DOCK1: variants seen among roughly 807,000 people sequenced by gnomAD.
DOCK1 encodes the protein dedicator of cytokinesis 1.
In DOCK1, 138 loss-of-function variants were observed where a neutral mutation model predicts 262.7. That is an observed-to-expected ratio of 0.53 (90% confidence interval 0.46 to 0.61). The LOEUF is 0.61. DOCK1 is among the 20% of genes least tolerant of loss of function. The pLI is 0.00. For synonymous variants in DOCK1, 866 were observed against 867.4 expected (o/e 1.00, Z 0.03); for missense variants, 1,908 against 2,370.7 (o/e 0.80, Z 4.05).
At position 127,339,007 on chromosome 10, in the gene DOCK1, G is replaced by A. The variant is rs1367093758; in HGVS notation, c.3046G>A (p.Val1016Ile). 2 of 1,576,436 alleles carry A rather than the reference G, an allele frequency of 1.3e-6. No homozygotes were observed. Among genetic ancestry groups the A allele is most frequent in the East Asian group, 2.3e-5 (1 of 43,304 alleles). The change falls in exon 30 of 52, where the codon GTC becomes ATC. Residue 1016 changes from valine (V) to isoleucine (I), a missense_variant and splice_region_variant. This residue lies in a region of DOCK1 where 518 missense variants were observed against 575.1 expected (regional missense o/e 0.90). Coordinates refer to ENST00000623213, the MANE Select transcript of DOCK1 (RefSeq NM_001290223.2). Reference protein sequence around the residue: ...WVIMNMVQNKVFLRAINQYAD... With the variant: ...WVIMNMVQNKIFLRAINQYAD... Reference sequence around the variant, plus strand: ...TGTAATTTTCTCTTGATCTTTCAGAGTCTTCCTGCGAGCAATTAATCAGTA... The same window carrying A: ...TGTAATTTTCTCTTGATCTTTCAGAATCTTCCTGCGAGCAATTAATCAGTA...
At chr10:127,237,332 C>G (rs2059108335) in intron 27 of DOCK1, among the ~76,000 whole-genome samples, 1 of 146,710 alleles carries the variant, frequency 6.8e-6, no homozygotes, top group African/African-American at 2.5e-5. Flanking sequence ...TGCACTCCAC[C>G]CTGGGTAACA....
At chr10:127,032,609 A>G (rs928941487) in intron 18 of DOCK1, among the ~76,000 whole-genome samples, 1 of 151,954 alleles carries the variant, frequency 6.6e-6, no homozygotes, top group Non-Finnish European at 1.5e-5. Context: ...GCTGGAGTGC[A>G]GTGGTGTGAT....
rs116335730 is a variant in DOCK1 at position 127,363,054 on chromosome 10, C to T, written c.3432+842C>T. 7.2e-3 allele frequency among the ~76,000 whole-genome samples: 425 copies of T among 58,798 alleles called. 62 individuals are homozygous for T. The highest frequency in any genetic ancestry group is 0.034 in the African/African-American group (388 of 11,386). The allele number at this position is 58,798 out of a possible 152,430, so 38.6% of individuals were successfully genotyped here. The stretch of plus-strand genomic sequence containing the variant: ...ATGCACCTCCCCCCACACACACACA[C>T]GTACATCCCCACATATACACATATG... On this transcript the variant is annotated intron_variant, in intron 33 of 51. Coordinates refer to ENST00000623213, the MANE Select transcript of DOCK1 (RefSeq NM_001290223.2).
At chr10:127,387,934 G>T (rs892689610) in intron 38 of DOCK1, among the ~76,000 whole-genome samples, 1 of 151,886 alleles carries the variant, frequency 6.6e-6, no homozygotes, top group Non-Finnish European at 1.5e-5. Flanking sequence ...TCATATGGAG[G>T]GGCAAAACGA....
At chr10:126,925,535 C>G (rs1245805903) in intron 1 of DOCK1, among the ~76,000 whole-genome samples, 5 of 152,178 alleles carry the variant, frequency 3.3e-5, no homozygotes, top group South Asian at 4.1e-4. Context: ...AGGCGCCCAC[C>G]ACCACGCCCA....
intron 18 of DOCK1, among the ~76,000 whole-genome samples, chr10:127,032,679 A>G (rs1440970502): frequency 6.6e-6 from 1 of 151,956 alleles, no homozygotes; most frequent in Non-Finnish European, 1.5e-5. Flanking sequence ...TCAGCTTCCC[A>G]TGTAGCTGGG....
intron 27 of DOCK1, among the ~76,000 whole-genome samples, chr10:127,200,634 G>C (rs768984361): frequency 3.9e-5 from 6 of 152,118 alleles, no homozygotes; most frequent in African/African-American, 1.4e-4. Flanking sequence ...CAACTCCTCA[G>C]CTCAGGCAAT....
At chr10:127,051,948 T>C (rs1052411234) in intron 21 of DOCK1, among the ~76,000 whole-genome samples, 13 of 152,296 alleles carry the variant, frequency 8.5e-5, no homozygotes, top group African/African-American at 2.2e-4. Context: ...GAGAGTATTT[T>C]TGGTGTCATG....
chr10:127,019,735 T>G (rs962083272), intron 13 of DOCK1, among the ~76,000 whole-genome samples: 5 of 152,142 alleles, frequency 3.3e-5, no homozygotes, highest in African/African-American at 7.2e-5. Flanking sequence ...GGCGACAGAT[T>G]GAGACCCTGT....
At chr10:127,375,622 G>C (rs1399192682) in intron 35 of DOCK1, among the ~76,000 whole-genome samples, 2 of 152,230 alleles carry the variant, frequency 1.3e-5, no homozygotes, top group African/African-American at 4.8e-5. Flanking sequence ...ATCGACTATG[G>C]TATCAGTGCT....
At chr10:127,435,983 C>T (rs1473159855) in intron 48 of DOCK1, among the ~76,000 whole-genome samples, 1 of 152,182 alleles carries the variant, frequency 6.6e-6, no homozygotes. Flanking sequence ...TCTCCCTGAG[C>T]TAAACAGCAT....
rs2068528703 is a variant in DOCK1 at position 127,421,825 on chromosome 10, T to C, written c.4776+2076T>C. Reference sequence around the variant, plus strand: ...AACTTCATTCCTTTTTAAGGCTGAGTAATACTCCATTATAGGGCTAGACCG... The same window carrying C: ...AACTTCATTCCTTTTTAAGGCTGAGCAATACTCCATTATAGGGCTAGACCG... On this transcript the variant is annotated intron_variant, in intron 46 of 51. Coordinates refer to ENST00000623213, the MANE Select transcript of DOCK1 (RefSeq NM_001290223.2). Among the ~76,000 whole-genome samples the C allele has an allele frequency of 2.6e-5, 4 of 152,336 alleles. No individual in the cohort carries two copies. In the South Asian group the frequency reaches 8.3e-4, roughly 32 times the overall value.
chr10:126,942,795 A>G (rs1231768723), intron 1 of DOCK1, among the ~76,000 whole-genome samples: 1 of 152,164 alleles, frequency 6.6e-6, no homozygotes, highest in Non-Finnish European at 1.5e-5. Flanking sequence ...ATTCCTCTGG[A>G]TGGGCGTTTA....
intron 21 of DOCK1, among the ~76,000 whole-genome samples, chr10:127,045,172 T>TG (rs2044260283): frequency 8.3e-6 from 1 of 120,510 alleles, no homozygotes; most frequent in African/African-American, 3.2e-5. Context: ...CACTCCAGCC[T>TG]GGGCTACAGA....
chr10:127,400,675 G>A (rs1052355300), intron 38 of DOCK1, among the ~76,000 whole-genome samples: 3 of 152,156 alleles, frequency 2.0e-5, no homozygotes, highest in Non-Finnish European at 4.4e-5. Flanking sequence ...GAGCACAGGT[G>A]GCTGGACATA....
At chr10:127,410,435 CT>C (rs2067776349) in intron 42 of DOCK1, among the ~76,000 whole-genome samples, 1 of 152,198 alleles carries the variant, frequency 6.6e-6, no homozygotes, top group Admixed American at 6.5e-5. Context: ...CTTATGTTTC[CT>C]GTGTGTCACT....
chr10:127,415,048 G>T, intron 43 of DOCK1, 104 bp from the exon 44 acceptor site: 1 of 1,050,102 alleles, frequency 9.5e-7, no homozygotes, highest in South Asian at 1.5e-5. Flanking sequence ...CCTGCTGAAG[G>T]ACCTGACTCC....
At chr10:126,954,720 AC>A in intron 1 of DOCK1, among the ~76,000 whole-genome samples, 1 of 152,344 alleles carries the variant, frequency 6.6e-6, no homozygotes, top group Admixed American at 6.5e-5. Flanking sequence ...TTCACTCAGC[AC>A]AATGTCCTCA....
chr10:127,047,279 G>A (rs2044411976), intron 21 of DOCK1, among the ~76,000 whole-genome samples: 2 of 152,124 alleles, frequency 1.3e-5, no homozygotes, highest in South Asian at 4.1e-4. Context: ...CCTCACTACT[G>A]CCTCTATCAT....
Sources: allele counts gnomAD v4.1 joint callset (sites outside exome capture counted in the v4.1 genomes callset), GRCh38; gene constraint gnomAD v4.1.1; regional missense constraint gnomAD v4.1.1; transcripts MANE v1.5; gene names NCBI Gene and HGNC (gene_info 2026-07-23, HGNC 2026-07-21).